PTPRM: variants seen among roughly 807,000 people sequenced by gnomAD.
PTPRM encodes protein tyrosine phosphatase receptor type M, also known as receptor-type tyrosine-protein phosphatase mu.
PTPRM carries 47 observed loss-of-function variants against 186.7 expected under a neutral mutation model. The ratio of observed to expected loss-of-function variants is 0.25; its 90% CI spans 0.20 to 0.32. The LOEUF (loss-of-function observed/expected upper bound fraction) is 0.32. Ranked by LOEUF, PTPRM falls within the 10% of genes least tolerant of loss-of-function variation. The pLI, the probability that PTPRM is intolerant of heterozygous loss-of-function variation, is 1.00. For synonymous variants in PTPRM, 668 were observed against 674.9 expected (o/e 0.99, Z 0.16); for missense variants, 1,494 against 1,865.0 (o/e 0.80, Z 3.66).
At chr18:7,693,606 T>G (rs1274987207) in intron 1 of PTPRM, among the ~76,000 whole-genome samples, 1 of 152,200 alleles carries the variant, frequency 6.6e-6, no homozygotes, top group Non-Finnish European at 1.5e-5. Flanking sequence ...CTGTGTGGCG[T>G]GTATACAAGT....
intron 19 of PTPRM, among the ~76,000 whole-genome samples, chr18:8,285,786 G>A (rs767844169): frequency 2.0e-5 from 3 of 152,122 alleles, no homozygotes; most frequent in Admixed American, 6.5e-5. Context: ...GAGCCCAGGG[G>A]TTCGAGACCA....
chr18:8,280,405 G>C (rs966346667), intron 19 of PTPRM, among the ~76,000 whole-genome samples: 1 of 47,778 alleles, frequency 2.1e-5, no homozygotes, highest in African/African-American at 1.1e-4. Context: ...ATTTGTGGTC[G>C]GGGGTGGGGG....
At chr18:8,023,573 A>G (rs1326595410) in intron 7 of PTPRM, among the ~76,000 whole-genome samples, 1 of 152,154 alleles carries the variant, frequency 6.6e-6, no homozygotes, top group South Asian at 2.1e-4. Flanking sequence ...ATTGCAGCCA[A>G]TTGGTACACA....
intron 5 of PTPRM, among the ~76,000 whole-genome samples, chr18:7,939,499 T>C (rs931811189): frequency 6.6e-6 from 1 of 152,248 alleles, no homozygotes; most frequent in African/African-American, 2.4e-5. Context: ...GTTGTAAGTC[T>C]AATTTAAATA....
At chr18:8,025,110 G>C (rs1306631468) in intron 7 of PTPRM, among the ~76,000 whole-genome samples, 1 of 152,046 alleles carries the variant, frequency 6.6e-6, no homozygotes, top group Non-Finnish European at 1.5e-5. Context: ...TTTTATATTA[G>C]ACATATTTTA....
chr18:7,899,358 G>A (rs1045047887), intron 3 of PTPRM, among the ~76,000 whole-genome samples: 7 of 152,196 alleles, frequency 4.6e-5, no homozygotes, highest in Non-Finnish European at 1.0e-4. Flanking sequence ...TACCATGAAA[G>A]CTTTGCAAGT....
At chr18:8,352,525 G>A (rs1300541959) in intron 23 of PTPRM, among the ~76,000 whole-genome samples, 1 of 151,248 alleles carries the variant, frequency 6.6e-6, no homozygotes, top group Non-Finnish European at 1.5e-5. Flanking sequence ...ACTTACAAGT[G>A]AGAACATAGT....
intron 2 of PTPRM, among the ~76,000 whole-genome samples, chr18:7,790,512 C>A (rs564399518): frequency 1.3e-5 from 2 of 152,132 alleles, no homozygotes; most frequent in Non-Finnish European, 2.9e-5. Context: ...CCCACTGACA[C>A]AAAGAGGAAG....
Position 8,033,271 on chromosome 18 carries a change from T to C in PTPRM, c.1133-36415T>C, listed in dbSNP as rs185592085. 2.3e-3 allele frequency among the ~76,000 whole-genome samples: 354 copies of C among 152,140 alleles called. 2 individuals are homozygous for C. Among genetic ancestry groups the C allele is most frequent in the African/African-American group, 8.1e-3 (337 of 41,430 alleles). On this transcript the variant is annotated intron_variant, in intron 7 of 32. Transcript: ENST00000580170. ...ATAAAAATACTTATTAAACATATTT[T>C]AAAAGTCAGTACCAGCTCTAAGCAC...
chr18:7,907,944 A>G (rs564831616), intron 4 of PTPRM, among the ~76,000 whole-genome samples: 26 of 150,056 alleles, frequency 1.7e-4, no homozygotes, highest in Admixed American at 6.6e-4. Flanking sequence ...ATGGTATTCT[A>G]TCATATGGAT....
chr18:7,669,918 A>G (rs9948646), intron 1 of PTPRM, among the ~76,000 whole-genome samples: 4,716 of 151,412 alleles, frequency 0.031, 250 homozygotes, highest in African/African-American at 0.11. Context: ...TCTTTTTTGT[A>G]TTTTTAGTAG....
At chr18:7,827,807 G>A (rs957185502) in intron 2 of PTPRM, among the ~76,000 whole-genome samples, 1 of 152,194 alleles carries the variant, frequency 6.6e-6, no homozygotes, top group Non-Finnish European at 1.5e-5. Flanking sequence ...TGGACATGTG[G>A]TCCATGATTG....
intron 2 of PTPRM, among the ~76,000 whole-genome samples, chr18:7,835,716 C>T (rs2046011331): frequency 6.6e-6 from 1 of 152,018 alleles, no homozygotes; most frequent in Non-Finnish European, 1.5e-5. Flanking sequence ...CTCTTTAGCG[C>T]TAATAATATT....
At chr18:7,897,787 GT>G in intron 3 of PTPRM, among the ~76,000 whole-genome samples, 1 of 152,138 alleles carries the variant, frequency 6.6e-6, no homozygotes, top group Middle Eastern at 3.4e-3. Context: ...TCTAAGCCAT[GT>G]TTTTGTCCTC....
chr18:8,248,417 A>C, intron 17 of PTPRM: 1 of 582,696 alleles, frequency 1.7e-6, no homozygotes, highest in East Asian at 3.1e-5. Context: ...GTTCAAATGA[A>C]CAATCTCAGC....
At chr18:7,630,280 G>A (rs917506546) in intron 1 of PTPRM, among the ~76,000 whole-genome samples, 13 of 152,158 alleles carry the variant, frequency 8.5e-5, no homozygotes, top group African/African-American at 3.1e-4. Flanking sequence ...GGATTCGGCC[G>A]TCACCAGGGA....
chr18:8,386,221 T>C (rs1037986859), intron 30 of PTPRM, among the ~76,000 whole-genome samples: 1 of 152,134 alleles, frequency 6.6e-6, no homozygotes. Flanking sequence ...GAGAGAGGGC[T>C]GAACCAGATA....
intron 7 of PTPRM, among the ~76,000 whole-genome samples, chr18:8,055,630 GT>G (rs1333693707): frequency 6.6e-6 from 1 of 151,406 alleles, no homozygotes; most frequent in Admixed American, 6.6e-5. Flanking sequence ...TGAATCTGTT[GT>G]TTCTTATCTC....
At chr18:7,880,151 G>C (rs922489176) in intron 2 of PTPRM, among the ~76,000 whole-genome samples, 1 of 152,142 alleles carries the variant, frequency 6.6e-6, no homozygotes, top group Non-Finnish European at 1.5e-5. Flanking sequence ...ACCCTCCCAC[G>C]ACATGTGGGG....
Sources: gnomAD v4.1 joint callset for allele counts (sites outside exome capture counted in the v4.1 genomes callset) on GRCh38, gnomAD v4.1.1 for gene constraint, MANE v1.5 for transcripts, NCBI Gene and HGNC (gene_info 2026-07-23, HGNC 2026-07-21) for gene names.